MARCHF1: variants seen among roughly 807,000 people sequenced by gnomAD.
MARCHF1 encodes the protein membrane associated ring-CH-type finger 1, also known as E3 ubiquitin-protein ligase MARCHF1.
MARCHF1 carries 40 observed loss-of-function variants against 54.2 expected under a neutral mutation model. That is an observed-to-expected ratio of 0.74 (90% CI 0.57 to 0.96). The LOEUF (loss-of-function observed/expected upper bound fraction) is 0.96. MARCHF1 is among the 40% of genes least tolerant of loss of function. The pLI is 0.00. For synonymous variants in MARCHF1, 236 were observed against 236.3 expected (o/e 1.00, Z 0.01); for missense variants, 586 against 656.5 (o/e 0.89, Z 1.17).
intron 4 of MARCHF1, among the ~76,000 whole-genome samples, chr4:163,823,744 G>A (rs558622271): frequency 7.2e-5 from 11 of 151,820 alleles, no homozygotes; most frequent in African/African-American, 2.2e-4. Flanking sequence ...ATTAACGTAT[G>A]CTAAAATAAA....
At chr4:164,053,600 T>TA (rs1754420611) in intron 2 of MARCHF1, among the ~76,000 whole-genome samples, 1 of 152,118 alleles carries the variant, frequency 6.6e-6, no homozygotes, top group African/African-American at 2.4e-5. Context: ...TTTCAGCCCA[T>TA]AAAAAAACAG....
chr4:163,613,492 G>C (rs146137858), intron 5 of MARCHF1, 99 bp from the exon 6 acceptor site: 13 of 1,611,416 alleles, frequency 8.1e-6, no homozygotes, highest in South Asian at 1.1e-5. Context: ...CAACAAACGT[G>C]GCTGCTGGTC....
intron 1 of MARCHF1, among the ~76,000 whole-genome samples, chr4:164,166,285 C>A (rs979185877): frequency 6.6e-6 from 1 of 151,920 alleles, no homozygotes; most frequent in African/African-American, 2.4e-5. Context: ...TGTTCAGTGA[C>A]CTTGTTCAGT....
chr4:164,247,834 G>C (rs1197558224), intron 1 of MARCHF1, among the ~76,000 whole-genome samples: 2 of 148,152 alleles, frequency 1.3e-5, no homozygotes, highest in Admixed American at 1.4e-4. Flanking sequence ...TGGGAAAGGA[G>C]GTATTTGTAT....
At chr4:164,060,227 G>C (rs1338403014) in intron 2 of MARCHF1, among the ~76,000 whole-genome samples, 1 of 151,992 alleles carries the variant, frequency 6.6e-6, no homozygotes, top group East Asian at 1.9e-4. Context: ...GAAGCAGAAT[G>C]TAAAATGATA....
Position 164,141,381 on chromosome 4 carries a change from G to C in MARCHF1, c.-322-29719C>G, listed in dbSNP as rs1433994385. ...AGCCCCAGCAAGTTTCTTTTTAGCT[G>C]TCTTTAGACAACTACTTACAAAGAA... On this transcript the variant is annotated intron_variant, in intron 1 of 9. Transcript: ENST00000514618. Among the ~76,000 whole-genome samples, 2 of 152,132 alleles carry C rather than the reference G, an allele frequency of 1.3e-5. 1 individual carries two copies. The highest frequency in any genetic ancestry group is 2.9e-5 in the Non-Finnish European group (2 of 68,016).
rs199918944 is a variant in MARCHF1 at position 164,068,914 on chromosome 4, AC to A, written c.-248+42673del. Among the ~76,000 whole-genome samples, 510 of 152,296 alleles carry A rather than the reference AC, an allele frequency of 3.3e-3. 9 individuals carry two copies. Among genetic ancestry groups the A allele is most frequent in the Admixed American group, 0.026 (405 of 15,306 alleles). On this transcript the variant is annotated intron_variant, in intron 2 of 9. Coordinates refer to ENST00000514618, the MANE Select transcript of MARCHF1 (RefSeq NM_001394959.1). ...TATCTAGCTCAAGGTTTGTAAACAC[AC>A]CAATCAGCACCCTGTGTCTAGCTCA...
At chr4:163,857,890 GAC>G (rs1379467180) in intron 3 of MARCHF1, among the ~76,000 whole-genome samples, 1 of 150,450 alleles carries the variant, frequency 6.6e-6, no homozygotes, top group African/African-American at 2.5e-5. Context: ...GTTTTTGTAA[GAC>G]AGTGTGATAG....
intron 1 of MARCHF1, among the ~76,000 whole-genome samples, chr4:164,292,825 T>C (rs1734316429): frequency 6.6e-6 from 1 of 152,200 alleles, no homozygotes; most frequent in South Asian, 2.1e-4. Flanking sequence ...AAAATCAAGA[T>C]TATGTGAATT....
At chr4:164,002,082 T>C (rs1456166005) in intron 2 of MARCHF1, among the ~76,000 whole-genome samples, 1 of 151,662 alleles carries the variant, frequency 6.6e-6, no homozygotes, top group Non-Finnish European at 1.5e-5. Context: ...AAGGAAGACA[T>C]TAAAACTCAA....
At chr4:163,986,367 C>T (rs1421115371) in intron 3 of MARCHF1, among the ~76,000 whole-genome samples, 1 of 149,222 alleles carries the variant, frequency 6.7e-6, no homozygotes, top group Non-Finnish European at 1.5e-5. Context: ...CGGGTTCACG[C>T]CATTCTCCTG....
chr4:163,601,626 T>C (rs1030718368), intron 7 of MARCHF1, among the ~76,000 whole-genome samples: 1 of 152,074 alleles, frequency 6.6e-6, no homozygotes, highest in African/African-American at 2.4e-5. Flanking sequence ...AAGATAAATA[T>C]AGCACAATAT....
At chr4:164,161,414 A>G (rs1002006387) in intron 1 of MARCHF1, among the ~76,000 whole-genome samples, 2 of 152,152 alleles carry the variant, frequency 1.3e-5, no homozygotes, top group Non-Finnish European at 2.9e-5. Flanking sequence ...TCTTTTCTTT[A>G]TAAAGTACCC....
chr4:163,594,001 T>A (rs139177450), intron 7 of MARCHF1, among the ~76,000 whole-genome samples: 1 of 152,322 alleles, frequency 6.6e-6, no homozygotes, highest in African/African-American at 2.4e-5. Flanking sequence ...GAAGTTTATA[T>A]TGACAGTTTA....
intron 2 of MARCHF1, among the ~76,000 whole-genome samples, chr4:164,079,156 T>C (rs1755042200): frequency 6.6e-6 from 1 of 152,198 alleles, no homozygotes; most frequent in Admixed American, 6.5e-5. Context: ...TACCTACTTC[T>C]TATTCCATTG....
chr4:163,964,387 TACAA>T (rs1400239866), intron 3 of MARCHF1, among the ~76,000 whole-genome samples: 5 of 151,980 alleles, frequency 3.3e-5, no homozygotes, highest in African/African-American at 7.2e-5. Context: ...GAGTAATTAC[TACAA>T]ACAGTGTGAG....
intron 3 of MARCHF1, among the ~76,000 whole-genome samples, chr4:163,947,580 G>A (rs983634702): frequency 6.6e-6 from 1 of 152,200 alleles, no homozygotes; most frequent in African/African-American, 2.4e-5. Context: ...GCCAAGAAAT[G>A]AACACAGCCT....
chr4:164,080,078 A>G (rs1755064314), intron 2 of MARCHF1, among the ~76,000 whole-genome samples: 1 of 152,204 alleles, frequency 6.6e-6, no homozygotes, highest in African/African-American at 2.4e-5. Context: ...TAAAAAAAAC[A>G]GGAAGCTTCT....
chr4:164,332,095 A>C (rs1216620142), intron 1 of MARCHF1, among the ~76,000 whole-genome samples: 1 of 152,132 alleles, frequency 6.6e-6, no homozygotes, highest in African/African-American at 2.4e-5. Context: ...TGTTCCTATT[A>C]AAGTTAAGAC....
Sources: gnomAD v4.1 joint callset for allele counts (sites outside exome capture counted in the v4.1 genomes callset) on GRCh38, gnomAD v4.1.1 for gene constraint, MANE v1.5 for transcripts, NCBI Gene and HGNC (gene_info 2026-07-23, HGNC 2026-07-21) for gene names.